UNC79: variants seen among roughly 807,000 people sequenced by gnomAD.
UNC79 encodes the protein protein unc-79 homolog.
In UNC79, 37 loss-of-function variants were observed where a neutral mutation model predicts 283.1. That is an observed-to-expected ratio of 0.13 (90% confidence interval 0.10 to 0.17). UNC79 has a LOEUF of 0.17. Among genes scored for constraint, UNC79 ranks in the 10% least tolerant of loss-of-function variants. The pLI is 1.00. For synonymous variants in UNC79, 1,107 were observed against 1,200.2 expected (o/e 0.92, Z 1.61); for missense variants, 2,272 against 3,211.1 (o/e 0.71, Z 7.07).
In UNC79 at chr14:93,377,490, G is replaced by A. The variant is rs149261192; in HGVS notation, c.-351+43967G>A. Reference sequence around the variant, plus strand: ...GGAAGAGGAAAAGTATAGGAGAGAAGGCAAGAGTTGGAAAATAAAATAGTG... The same window carrying A: ...GGAAGAGGAAAAGTATAGGAGAGAAAGCAAGAGTTGGAAAATAAAATAGTG... On this transcript the variant is annotated intron_variant, in intron 1 of 49. Transcript: ENST00000256339. Among the ~76,000 whole-genome samples, 334 of 152,272 alleles carry A rather than the reference G, an allele frequency of 2.2e-3. 3 individuals carry two copies. Among genetic ancestry groups the A allele is most frequent in the African/African-American group, 7.7e-3 (319 of 41,548 alleles).
chr14:93,594,088 T>C (rs1367866914), intron 23 of UNC79, among the ~76,000 whole-genome samples: 2 of 152,146 alleles, frequency 1.3e-5, no homozygotes, highest in Admixed American at 1.3e-4. Flanking sequence ...GTTACCCAAG[T>C]GTAGCGATTA....
At chr14:93,448,360 C>T (rs1184955322) in intron 1 of UNC79, among the ~76,000 whole-genome samples, 1 of 152,042 alleles carries the variant, frequency 6.6e-6, no homozygotes. Context: ...GTTCTTCTTG[C>T]ATGATTTTTT....
At chr14:93,410,328 C>T (rs1321876029) in intron 1 of UNC79, among the ~76,000 whole-genome samples, 2 of 152,236 alleles carry the variant, frequency 1.3e-5, no homozygotes, top group African/African-American at 2.4e-5. Flanking sequence ...TCTGGCAAGT[C>T]TTGCCACCTA....
At chr14:93,555,984 G>C (rs1471960852) in intron 14 of UNC79, among the ~76,000 whole-genome samples, 2 of 152,158 alleles carry the variant, frequency 1.3e-5, no homozygotes, top group Non-Finnish European at 2.9e-5. Flanking sequence ...GCCTTTTAAA[G>C]AACAAGGCCA....
intron 14 of UNC79, among the ~76,000 whole-genome samples, chr14:93,546,767 A>G (rs1363114180): frequency 6.6e-6 from 1 of 152,140 alleles, no homozygotes; most frequent in Admixed American, 6.5e-5. Context: ...TGATTGAGTT[A>G]GCAGTTAATG....
At chr14:93,436,587 A>G (rs1425252873) in intron 1 of UNC79, among the ~76,000 whole-genome samples, 3 of 152,142 alleles carry the variant, frequency 2.0e-5, no homozygotes, top group African/African-American at 7.2e-5. Context: ...TACTCAACCA[A>G]TAAATAAGCT....
chr14:93,434,738 G>A (rs1023646844), intron 1 of UNC79, among the ~76,000 whole-genome samples: 1 of 152,236 alleles, frequency 6.6e-6, no homozygotes, highest in African/African-American at 2.4e-5. Context: ...AATGGGGATA[G>A]TTATAGTTGT....
chr14:93,368,781 C>T (rs2054385998), intron 1 of UNC79, among the ~76,000 whole-genome samples: 1 of 152,136 alleles, frequency 6.6e-6, no homozygotes, highest in African/African-American at 2.4e-5. Context: ...TCAAAAATGC[C>T]ATTTTCAAAG....
intron 34 of UNC79, among the ~76,000 whole-genome samples, chr14:93,644,089 A>G (rs577125021): frequency 6.6e-6 from 1 of 152,262 alleles, no homozygotes; most frequent in Non-Finnish European, 1.5e-5. Context: ...GGCATTTGTA[A>G]TCTCAAGGAC....
intron 19 of UNC79, 120 bp from the exon 20 acceptor site, chr14:93,582,083 C>T (rs1345656717): frequency 6.0e-6 from 9 of 1,499,774 alleles, no homozygotes; most frequent in Non-Finnish European, 7.3e-6. Context: ...TGGCCTCTGG[C>T]CTCAGCAGCA....
intron 1 of UNC79, among the ~76,000 whole-genome samples, chr14:93,458,142 G>A (rs2056847216): frequency 6.6e-6 from 1 of 152,026 alleles, no homozygotes; most frequent in African/African-American, 2.4e-5. Context: ...ACCTTAAAAG[G>A]GGGCAATGAC....
chr14:93,688,622 C>G lies in UNC79; in HGVS notation c.6910-43C>G. 6.3e-7 allele frequency: 1 copy of G among 1,591,306 alleles called. No individual in the cohort carries two copies. Among genetic ancestry groups the G allele is most frequent in the Non-Finnish European group, 8.6e-7 (1 of 1,166,696 alleles). Reference sequence around the variant, plus strand: ...TTTCAAAGAATGGCCTGGAATGAATCCAGGTGTCTGCCAGAGTTACAAAAT... The same window carrying G: ...TTTCAAAGAATGGCCTGGAATGAATGCAGGTGTCTGCCAGAGTTACAAAAT... On this transcript the variant is annotated intron_variant, in intron 43 of 48. Transcript: ENST00000555664. This position sits in a 1 kb window ranked among gnomAD's most constrained non-coding sequence, Gnocchi z 4.0.
chr14:93,574,174 TG>T (rs1014398711), intron 16 of UNC79, among the ~76,000 whole-genome samples: 22 of 138,858 alleles, frequency 1.6e-4, no homozygotes, highest in African/African-American at 5.8e-4. Context: ...CTGTGCTCTT[TG>T]GGGATAAGCC....
chr14:93,365,178 G>T (rs921173898), intron 1 of UNC79, among the ~76,000 whole-genome samples: 3 of 152,128 alleles, frequency 2.0e-5, no homozygotes, highest in Non-Finnish European at 4.4e-5. Flanking sequence ...TTGAAGTGAG[G>T]ACTGTGAGAC....
intron 1 of UNC79, among the ~76,000 whole-genome samples, chr14:93,337,994 G>A (rs1462243804): frequency 6.6e-6 from 1 of 152,146 alleles, no homozygotes; most frequent in Non-Finnish European, 1.5e-5. Context: ...AGTGTACCTG[G>A]CTGTGTGCAG....
intron 36 of UNC79, 28 bp downstream of exon 39, chr14:93,653,882 C>T: frequency 6.2e-7 from 1 of 1,613,990 alleles, no homozygotes; most frequent in Non-Finnish European, 8.5e-7. Context: ...GATCCAGGCA[C>T]CACAAATTTG....
chr14:93,553,525 G>A (rs1567101400), intron 14 of UNC79, among the ~76,000 whole-genome samples: 1 of 152,158 alleles, frequency 6.6e-6, no homozygotes, highest in African/African-American at 2.4e-5. Flanking sequence ...TTTTGGAATA[G>A]ATTAAAACAA....
chr14:93,606,367 A>G (rs2065890348), intron 26 of UNC79, among the ~76,000 whole-genome samples: 1 of 152,254 alleles, frequency 6.6e-6, no homozygotes, highest in Non-Finnish European at 1.5e-5. Context: ...CACCATCATA[A>G]GCAAAACTTG....
At chr14:93,381,436 A>G (rs1458909218) in intron 1 of UNC79, among the ~76,000 whole-genome samples, 2 of 152,206 alleles carry the variant, frequency 1.3e-5, no homozygotes, top group African/African-American at 4.8e-5. Flanking sequence ...CAGCTGAATC[A>G]TCCAGAGGAT....
Sources: allele counts gnomAD v4.1 joint callset (sites outside exome capture counted in the v4.1 genomes callset), GRCh38; gene constraint gnomAD v4.1.1; non-coding constraint Gnocchi (gnomAD v3.1); transcripts MANE v1.5; gene names NCBI Gene and HGNC (gene_info 2026-07-23, HGNC 2026-07-21).